EPM2AIP1: variants seen among roughly 807,000 people sequenced by gnomAD.
The protein encoded by EPM2AIP1 is EPM2A-interacting protein 1.
A neutral mutation model predicts 44.8 loss-of-function variants in EPM2AIP1; 23 were observed. That is an observed-to-expected ratio of 0.51 (90% CI 0.37 to 0.73). EPM2AIP1 has a LOEUF of 0.73. Among genes scored for constraint, EPM2AIP1 ranks in the 30% least tolerant of loss-of-function variants. The probability of loss-of-function intolerance (pLI) is 0.00; values close to 1 mark genes in which losing one functional copy is unlikely to be tolerated. For missense variants in EPM2AIP1, 652 were observed against 743.9 expected (o/e 0.88, Z 1.44); for synonymous variants, 311 against 284.3 (o/e 1.09, Z -0.94).
chr3:36,991,543 G>A lies in EPM2AIP1; in HGVS notation c.1535C>T (p.Ala512Val). ...GTATTCATTCCAAAGATTAGTGTTT[G>A]CCTGAAGTTTTGTTAGCTCCACCCT... ...SVRVELTKLQ[A>V]NTNLWNEYRI... Residue 512 changes from alanine to valine, a missense_variant, in exon 1 of 1, where the codon GCA becomes GTA. By Grantham distance (64) the Ala-to-Val change is moderately conservative (BLOSUM62 0). Transcript: ENST00000322716. The A allele has an allele frequency of 3.7e-6, 6 of 1,613,692 alleles. No individual in the cohort carries two copies. The highest frequency in any genetic ancestry group is 5.1e-6 in the Non-Finnish European group (6 of 1,179,704).
Position 36,987,278 on chromosome 3 carries a change from T to C in EPM2AIP1, c.*3976A>G, listed in dbSNP as rs1454418212. ...ATAGCATGCCATTTTCTCCTAGTGTTGATGCCTACAAAAGGAAAAATGATT... is the reference window on the plus strand; with the variant it reads ...ATAGCATGCCATTTTCTCCTAGTGTCGATGCCTACAAAAGGAAAAATGATT... On this transcript the variant is annotated 3_prime_UTR_variant, in exon 1 of 1. Transcript: ENST00000322716. 1 of 152,586 alleles carries C rather than the reference T, an allele frequency of 6.6e-6. No homozygotes were observed. Among genetic ancestry groups the C allele is most frequent in the Admixed American group, 6.5e-5 (1 of 15,278 alleles). The allele number at this position is 152,586 out of a possible 1,614,324, so 9.5% of individuals were successfully genotyped here.
Position 36,992,361 on chromosome 3 carries a change from C to T in EPM2AIP1, c.717G>A (p.Gln239=). 6.2e-7 allele frequency: 1 copy of T among 1,614,014 alleles called. No individual in the cohort carries two copies. Residue 239 remains glutamine (Q), a synonymous_variant, in exon 1 of 1, where the codon CAG becomes CAA. Coordinates refer to ENST00000322716, the MANE Select transcript of EPM2AIP1 (RefSeq NM_014805.4). The surrounding 1 kb of genome is among the most constrained non-coding windows in gnomAD (Gnocchi z 5.3). The stretch of plus-strand genomic sequence containing the variant: ...GGGTCGTGGTCAGTCCAACCATTCT[C>T]TGCAAGCTAAGCCCTGCTGTCTGCA... ...ESLQTAGLSL[Q]RMVGLTTTHT...
Position 36,992,785 on chromosome 3 carries a change from G to C in EPM2AIP1, c.293C>G (p.Ala98Gly). 1 of 1,613,554 alleles carries C rather than the reference G, an allele frequency of 6.2e-7. No individual in the cohort carries two copies. The highest frequency in any genetic ancestry group is 8.5e-7 in the Non-Finnish European group (1 of 1,179,896). ...VASFTPEERA[A>G]RAGLGLCRLL... The stretch of plus-strand genomic sequence containing the variant: ...GCGGCAGAGCCCGAGGCCTGCACGA[G>C]CAGCTCTCTCTTCAGGAGTGAAGGA... The change falls in exon 1 of 1, where the codon GCT becomes GGT. Residue 98 changes from alanine (A) to glycine (G), a missense_variant. By Grantham distance (60) the Ala-to-Gly change is moderately conservative (BLOSUM62 0). Transcript: ENST00000322716. The surrounding 1 kb of genome is among the most constrained non-coding windows in gnomAD (Gnocchi z 5.3).
chr3:36,992,568 C>T lies in EPM2AIP1; in HGVS notation c.510G>A (p.Arg170=). The change falls in exon 1 of 1, where the codon AGG becomes AGA. Residue 170 remains arginine (R), a synonymous_variant. Transcript: ENST00000322716. The surrounding 1 kb of genome is among the most constrained non-coding windows in gnomAD (Gnocchi z 5.3). ...AGGCAAGAGAATAGGCTTTAAAGTC[C>T]CTGGCTCGGTTAAAAAGCTGGTTGC... The part of the protein sequence containing the change: ...NLRNQLFNRA[R]DFKAYSLALD... 1.2e-6 allele frequency: 2 copies of T among 1,614,032 alleles called. No homozygotes were observed. Among genetic ancestry groups the T allele is most frequent in the Non-Finnish European group, 1.7e-6 (2 of 1,179,898 alleles).
rs776070355 is a variant in EPM2AIP1, at chr3:36,992,738, C to T, written c.340G>A (p.Gly114Ser). The change falls in exon 1 of 1, where the codon GGC becomes AGC. Residue 114 changes from glycine (G) to serine (S), a missense_variant. Gly to Ser is a moderately conservative substitution (Grantham distance 56). Coordinates refer to ENST00000322716, the MANE Select transcript of EPM2AIP1 (RefSeq NM_014805.4). This position sits in a 1 kb window ranked among gnomAD's most constrained non-coding sequence, Gnocchi z 5.3. ...TATACAAAGTCCCCCTCACCCCAGCCGCGACCCTTCAAGGCCAAGAGGCGG... is the reference window on the plus strand; with the variant it reads ...TATACAAAGTCCCCCTCACCCCAGCTGCGACCCTTCAAGGCCAAGAGGCGG... The part of the protein sequence containing the change: ...LCRLLALKGR[G>S]WGEGDFVYQC... 3 of 1,613,894 alleles carry T rather than the reference C, an allele frequency of 1.9e-6. No individual in the cohort carries two copies. In the East Asian group the frequency reaches 6.7e-5, roughly 36 times the overall value.
Position 36,992,663 on chromosome 3 carries a change from C to T in EPM2AIP1, c.415G>A (p.Val139Ile), listed in dbSNP as rs2125690367. ...GGAGATAAGTCAACGCCTTGCAGGA[C>T]GCTTACATGCTCGGGCAGTACCTCT... Reference protein sequence around the residue: ...LREVLPEHVSVLQGVDLSPDI... With the variant: ...LREVLPEHVSILQGVDLSPDI... The change falls in exon 1 of 1, where the codon GTC becomes ATC. Residue 139 changes from valine (V) to isoleucine (I), a missense_variant. Transcript: ENST00000322716. This position sits in a 1 kb window ranked among gnomAD's most constrained non-coding sequence, Gnocchi z 5.3. The T allele has an allele frequency of 6.2e-7, 1 of 1,613,980 alleles. No individual in the cohort carries two copies. Among genetic ancestry groups the T allele is most frequent in the East Asian group, 2.2e-5 (1 of 44,882 alleles).
chr3:36,991,310 C>T lies in EPM2AIP1; in HGVS notation c.1768G>A (p.Glu590Lys). The stretch of plus-strand genomic sequence containing the variant: ...AGGTCATCCCAACCGGGCTCCATTT[C>T]AGTTGTGGCAACCCGAAACAGGGCT... ...LQALFRVATT[E>K]MEPGWDDLVR... Residue 590 changes from glutamate to lysine, a missense_variant, in exon 1 of 1, where the codon GAA (glutamate) becomes AAA (lysine). Physicochemically the swap from Glu to Lys is moderately conservative, Grantham distance 56. Transcript: ENST00000322716. 1.2e-6 allele frequency: 2 copies of T among 1,613,900 alleles called. No homozygotes were observed. Among genetic ancestry groups the T allele is most frequent in the Non-Finnish European group, 8.5e-7 (1 of 1,179,792 alleles).
At position 36,992,232 on chromosome 3, in the gene EPM2AIP1, A is replaced by T. The variant is rs367573129; in HGVS notation, c.846T>A (p.Leu282=). The T allele has an allele frequency of 5.5e-5, 89 of 1,614,016 alleles. No individual in the cohort carries two copies. In the African/African-American group the frequency reaches 1.1e-3, roughly 20 times the overall value. ...CWNVIHYSGF[L]HLELLSSYDV... is the part of the protein sequence containing the mutation. ...CATAGGAGCTCAACAGTTCCAAGTG[A>T]AGAAATCCTGAATAATGAATGACAT... The change falls in exon 1 of 1, where the codon CTT becomes CTA. Residue 282 remains leucine (L), a synonymous_variant. Transcript: ENST00000322716. The surrounding 1 kb of genome is among the most constrained non-coding windows in gnomAD (Gnocchi z 5.3).
In EPM2AIP1 at chr3:36,991,247, C is replaced by T. The variant is rs2080801283; in HGVS notation, c.*7G>A. 1 of 1,573,284 alleles carries T rather than the reference C, an allele frequency of 6.4e-7. No homozygotes were observed. Among genetic ancestry groups the T allele is most frequent in the East Asian group, 2.3e-5 (1 of 44,364 alleles). On this transcript the variant is annotated 3_prime_UTR_variant, in exon 1 of 1. Transcript: ENST00000322716. ...TGTTGAGTTTTTCAATCTTGTACTA[C>T]AAAGCCTTATGGATTAGATTCATTT...
Position 36,990,521 on chromosome 3 carries a change from G to A in EPM2AIP1, c.*733C>T, listed in dbSNP as rs1351417931. 1.0e-6 allele frequency: 1 copy of A among 983,826 alleles called. No homozygotes were observed. Among genetic ancestry groups the A allele is most frequent in the East Asian group, 1.1e-4 (1 of 8,790 alleles). 60.9% of individuals were successfully genotyped at this position (983,826 alleles called of 1,614,324 possible). A position where few individuals can be genotyped will look rare whatever the true frequency, so the allele number is the denominator to read the frequency against. On this transcript the variant is annotated 3_prime_UTR_variant, in exon 1 of 1. Transcript: ENST00000322716. ...ACCATAGTCCTTTAATAGGCAAGCTGATAAAATAGCCCCCAGTTATTAAAA... is the reference window on the plus strand; with the variant it reads ...ACCATAGTCCTTTAATAGGCAAGCTAATAAAATAGCCCCCAGTTATTAAAA...
rs760022407 is a variant in EPM2AIP1, at chr3:36,985,269, AG to A, written c.*5984del. On this transcript the variant is annotated 3_prime_UTR_variant, in exon 1 of 1. Coordinates refer to ENST00000322716, the MANE Select transcript of EPM2AIP1 (RefSeq NM_014805.4). ...TTTCACTTACATAAAGTTTTAAAAC[AG>A]GCAAAACTAATCCGTGGTGATAAAA... 2 of 152,234 alleles carry A rather than the reference AG, an allele frequency of 1.3e-5. No homozygotes were observed. Among genetic ancestry groups the A allele is most frequent in the African/African-American group, 2.4e-5 (1 of 41,458 alleles). The allele number at this position is 152,234 out of a possible 1,614,324, so 9.4% of individuals were successfully genotyped here.
In EPM2AIP1 at chr3:36,991,999, G is replaced by A. The variant is rs755900593; in HGVS notation, c.1079C>T (p.Ala360Val). ...LIFSLRKEME[A>V]FLVSVGATTV... ...TGTTGCCCCTACTGAAACCAAGAACGCTTCCATTTCTTTTCTTAGAGAGAA... is the reference window on the plus strand; with the variant it reads ...TGTTGCCCCTACTGAAACCAAGAACACTTCCATTTCTTTTCTTAGAGAGAA... Residue 360 changes from alanine to valine, a missense_variant, in exon 1 of 1, where the codon GCG becomes GTG. Ala to Val is a moderately conservative substitution (Grantham distance 64, BLOSUM62 0). Transcript: ENST00000322716. 3 of 1,613,624 alleles carry A rather than the reference G, an allele frequency of 1.9e-6. No individual in the cohort carries two copies. In the South Asian group the frequency reaches 3.3e-5, roughly 18 times the overall value.
rs2080796433 is a variant in EPM2AIP1, at chr3:36,990,552, AT to A, written c.*701del. On this transcript the variant is annotated 3_prime_UTR_variant, in exon 1 of 1. Transcript: ENST00000322716. ...ATAGCCCCCAGTTATTAAAAAAAAA[AT>A]CCAAGGAAAACCCCCAATAATTAGT... is the stretch of plus-strand genomic sequence containing the variant. The A allele has an allele frequency of 1.0e-6, 1 of 985,462 alleles. No homozygotes were observed. The highest frequency in any genetic ancestry group is 1.7e-5 in the African/African-American group (1 of 57,206). 61.0% of individuals were successfully genotyped at this position (985,462 alleles called of 1,614,324 possible).
Position 36,988,727 on chromosome 3 carries a change from A to C in EPM2AIP1, c.*2527T>G, listed in dbSNP as rs1370151877. On this transcript the variant is annotated 3_prime_UTR_variant, in exon 1 of 1. Transcript: ENST00000322716. ...TTCAAGGAGGGTAAGACTATTAACA[A>C]GGACTTAGCATAGTAGAGCAATTTG... The C allele has an allele frequency of 6.6e-6, 1 of 152,222 alleles. No individual in the cohort carries two copies. The highest frequency in any genetic ancestry group is 6.5e-5 in the Admixed American group (1 of 15,280). 9.4% of individuals were successfully genotyped at this position (152,222 alleles called of 1,614,324 possible).
In EPM2AIP1 at chr3:36,988,283, A is replaced by G. The variant is rs1247198690; in HGVS notation, c.*2971T>C. Reference sequence around the variant, plus strand: ...CTGTTGCTATAATTTAGGTAGGTTGATGGCCTGAATTAAAATGGCAGCATT... The same window carrying G: ...CTGTTGCTATAATTTAGGTAGGTTGGTGGCCTGAATTAAAATGGCAGCATT... On this transcript the variant is annotated 3_prime_UTR_variant, in exon 1 of 1. Coordinates refer to ENST00000322716, the MANE Select transcript of EPM2AIP1 (RefSeq NM_014805.4). 6.6e-6 allele frequency: 1 copy of G among 152,232 alleles called. No individual in the cohort carries two copies. Among genetic ancestry groups the G allele is most frequent in the East Asian group, 1.9e-4 (1 of 5,204 alleles). 9.4% of individuals were successfully genotyped at this position (152,232 alleles called of 1,614,324 possible).
rs1285509425 is a variant in EPM2AIP1 at position 36,987,400 on chromosome 3, C to A, written c.*3854G>T. ...TCACTAAGTAGTTGTCTAATCTTTT[C>A]CCTCTATATGTAGGTTCCTTTGGAA... is the stretch of plus-strand genomic sequence containing the variant. On this transcript the variant is annotated 3_prime_UTR_variant, in exon 1 of 1. Transcript: ENST00000322716. The A allele has an allele frequency of 6.8e-6, 1 of 147,724 alleles. No homozygotes were observed. The highest frequency in any genetic ancestry group is 1.5e-5 in the Non-Finnish European group (1 of 67,178). The allele number at this position is 147,724 out of a possible 1,614,324, so 9.2% of individuals were successfully genotyped here.
rs2080796587 is a variant in EPM2AIP1, at chr3:36,990,589, A to C, written c.*665T>G. The C allele has an allele frequency of 1.0e-6, 1 of 985,564 alleles. No individual in the cohort carries two copies. Among genetic ancestry groups the C allele is most frequent in the Non-Finnish European group, 1.2e-6 (1 of 829,784 alleles). The allele number at this position is 985,564 out of a possible 1,614,324, so 61.1% of individuals were successfully genotyped here. ...CCCCCAATAATTAGTCTTATCTCCA[A>C]ATTGCATGAAGTCTCCTATATCTGA... is the stretch of plus-strand genomic sequence containing the variant. On this transcript the variant is annotated 3_prime_UTR_variant, in exon 1 of 1. Transcript: ENST00000322716.
rs2080798723 is a variant in EPM2AIP1, at chr3:36,990,882, G to A, written c.*372C>T. On this transcript the variant is annotated 3_prime_UTR_variant, in exon 1 of 1. Coordinates refer to ENST00000322716, the MANE Select transcript of EPM2AIP1 (RefSeq NM_014805.4). ...AGGAGTTGATAATTTAAGACTATAT[G>A]AATCAGAATTTTAACACTCCATTAA... The A allele has an allele frequency of 1.0e-6, 1 of 995,196 alleles. No homozygotes were observed. Among genetic ancestry groups the A allele is most frequent in the African/African-American group, 1.7e-5 (1 of 57,488 alleles). 61.6% of individuals were successfully genotyped at this position (995,196 alleles called of 1,614,324 possible). A position where few individuals can be genotyped will look rare whatever the true frequency, so the allele number is the denominator to read the frequency against.
rs1419387768 is a variant in EPM2AIP1 at position 36,988,942 on chromosome 3, G to A, written c.*2312C>T. 2.8e-5 allele frequency: 4 copies of A among 144,790 alleles called. No individual in the cohort carries two copies. Among genetic ancestry groups the A allele is most frequent in the African/African-American group, 1.0e-4 (4 of 39,694 alleles). The allele number at this position is 144,790 out of a possible 1,614,324, so 9.0% of individuals were successfully genotyped here. A position where few individuals can be genotyped will look rare whatever the true frequency, so the allele number is the denominator to read the frequency against. Reference sequence around the variant, plus strand: ...AAAAAAAGACTGCCATGCAGTTACAGAATTACTTAATACAGAAAACAGTAA... The same window carrying A: ...AAAAAAAGACTGCCATGCAGTTACAAAATTACTTAATACAGAAAACAGTAA... On this transcript the variant is annotated 3_prime_UTR_variant, in exon 1 of 1. Coordinates refer to ENST00000322716, the MANE Select transcript of EPM2AIP1 (RefSeq NM_014805.4).
Sources: allele counts gnomAD v4.1 joint callset, GRCh38; gene constraint gnomAD v4.1.1; non-coding constraint Gnocchi (gnomAD v3.1); transcripts MANE v1.5; gene names NCBI Gene and HGNC (gene_info 2026-07-23, HGNC 2026-07-21).